Variants in LATS1 observed in about 807,000 individuals in gnomAD.
LATS1 encodes serine/threonine-protein kinase LATS1.
Under a neutral mutation model 106.6 loss-of-function variants are expected in LATS1, and 25 were observed. The observed-to-expected ratio is 0.23, with a 90% CI of 0.17 to 0.33. LATS1 has a LOEUF of 0.33. LATS1 is among the 10% of genes least tolerant of loss of function. The pLI is 1.00. For missense variants in LATS1, 1,040 were observed against 1,382.6 expected, an observed-to-expected ratio of 0.75 and a Z score of 3.93; for synonymous variants, 465 against 455.6, an observed-to-expected ratio of 1.02 and a Z score of -0.26.
intron 3 of LATS1, among the ~76,000 whole-genome samples, chr6:149,688,008 A>G (rs564098020): frequency 5.4e-5 from 8 of 149,314 alleles, no homozygotes; most frequent in South Asian, 2.1e-4. Context: ...CTGAGTAGCT[A>G]GGACTACAGG....
rs141884137 is a variant in LATS1 at position 149,695,275 on chromosome 6, A to C, written c.349-54T>G. The C allele has an allele frequency of 9.2e-5, 111 of 1,211,446 alleles. 1 individual carries two copies. In the East Asian group the frequency reaches 2.7e-3, roughly 29 times the overall value. The allele number at this position is 1,211,446 out of a possible 1,614,324, so 75.0% of individuals were successfully genotyped here. On this transcript the variant is annotated intron_variant, in intron 2 of 7. Coordinates refer to ENST00000543571, the MANE Select transcript of LATS1 (RefSeq NM_004690.4). Reference sequence around the variant, plus strand: ...GAAACAAAATTTAAATCTTACAATAATACAAGGGAAAGAACACTATGAGTT... The same window carrying C: ...GAAACAAAATTTAAATCTTACAATACTACAAGGGAAAGAACACTATGAGTT...
intron 5 of LATS1, among the ~76,000 whole-genome samples, chr6:149,679,409 G>C (rs903860837): frequency 6.6e-6 from 1 of 151,710 alleles, no homozygotes; most frequent in Non-Finnish European, 1.5e-5. Flanking sequence ...AAAATTAGCC[G>C]GGCGTACTGG....
chr6:149,698,547 G>A (rs1232630713), intron 2 of LATS1, among the ~76,000 whole-genome samples: 3 of 149,088 alleles, frequency 2.0e-5, no homozygotes, highest in Non-Finnish European at 4.5e-5. Context: ...CACCCAGCCA[G>A]AAGTCTTTTT....
chr6:149,661,846 A>G lies in LATS1; in HGVS notation c.3276T>C (p.Asn1092=). Residue 1092 remains asparagine (N), a synonymous_variant, in exon 8 of 8, where the codon AAT becomes AAC. Coordinates refer to ENST00000543571, the MANE Select transcript of LATS1 (RefSeq NM_004690.4). ...RFFDDNGYPY[N]YPKPIEYEYI... ...ATTCATATTCAATAGGCTTCGGATAATTATATGGGTAGCCATTGTCATCAA... is the reference window on the plus strand; with the variant it reads ...ATTCATATTCAATAGGCTTCGGATAGTTATATGGGTAGCCATTGTCATCAA... 6.2e-7 allele frequency: 1 copy of G among 1,614,068 alleles called. No homozygotes were observed. Among genetic ancestry groups the G allele is most frequent in the Non-Finnish European group, 8.5e-7 (1 of 1,179,962 alleles).
chr6:149,676,888 T>G (rs915942851), intron 5 of LATS1, 151 bp from the exon 6 acceptor site: 5 of 661,864 alleles, frequency 7.6e-6, no homozygotes, highest in Admixed American at 6.0e-5. Context: ...TGATGGTGTT[T>G]ATTACCAATT....
Position 149,680,268 on chromosome 6 carries a change from T to C in LATS1, c.2200A>G (p.Lys734Glu). ...AGAACATCTTTCTTTCGAAGAGTTT[T>C]TGTTGCATACAAAGCCTTAGTATCT... is the stretch of plus-strand genomic sequence containing the variant. ...KVDTKALYATKTLRKKDVLLR... is the reference protein window; with the variant it reads ...KVDTKALYATETLRKKDVLLR... The change falls in exon 5 of 8, where the codon AAA (lysine) becomes GAA (glutamate). Residue 734 changes from lysine to glutamate, a missense_variant. This residue lies in a region of LATS1 where 167 missense variants were observed against 332.1 expected (regional missense o/e 0.50). Transcript: ENST00000543571. 6.2e-7 allele frequency: 1 copy of C among 1,613,966 alleles called. No homozygotes were observed. Among genetic ancestry groups the C allele is most frequent in the South Asian group, 1.1e-5 (1 of 91,080 alleles).
intron 1 of LATS1, among the ~76,000 whole-genome samples, chr6:149,712,751 T>G (rs1019297832): frequency 1.3e-5 from 2 of 152,140 alleles, no homozygotes; most frequent in Non-Finnish European, 2.9e-5. Context: ...TCCAAAACTT[T>G]TGGAGGCTGA....
At chr6:149,688,947 C>G (rs1782559085) in intron 3 of LATS1, among the ~76,000 whole-genome samples, 1 of 151,972 alleles carries the variant, frequency 6.6e-6, no homozygotes, top group African/African-American at 2.4e-5. Flanking sequence ...GTGGGCGGAT[C>G]ACCTGAGGTC....
intron 6 of LATS1, 26 bp downstream of exon 6, chr6:149,676,529 G>T: frequency 6.2e-7 from 1 of 1,605,350 alleles, no homozygotes; most frequent in Non-Finnish European, 8.5e-7. Flanking sequence ...GGTCTACTGA[G>T]AATATATATG....
At chr6:149,711,560 T>A (rs558447656) in intron 1 of LATS1, among the ~76,000 whole-genome samples, 4 of 151,598 alleles carry the variant, frequency 2.6e-5, no homozygotes, top group Non-Finnish European at 4.4e-5. Context: ...CAAAATGAAA[T>A]TTTTTTTTCT....
chr6:149,662,966 CAAAAA>C (rs61479102), intron 7 of LATS1, among the ~76,000 whole-genome samples: 2 of 96,248 alleles, frequency 2.1e-5, no homozygotes, highest in African/African-American at 7.8e-5. Context: ...ACACTGTCTC[CAAAAA>C]AAAAAAAAAA....
intron 7 of LATS1, among the ~76,000 whole-genome samples, chr6:149,662,860 G>A (rs944683808): frequency 2.0e-5 from 3 of 151,614 alleles, no homozygotes; most frequent in African/African-American, 7.3e-5. Flanking sequence ...TAGCTACTCA[G>A]GAGGTTGAAG....
At chr6:149,689,528 T>C (rs568800321) in intron 3 of LATS1, among the ~76,000 whole-genome samples, 19 of 152,294 alleles carry the variant, frequency 1.2e-4, no homozygotes, top group African/African-American at 4.1e-4. Context: ...TGTTGTTGTT[T>C]TTAACTTAAA....
chr6:149,685,324 T>C (rs1782311984), intron 3 of LATS1, among the ~76,000 whole-genome samples: 1 of 152,248 alleles, frequency 6.6e-6, no homozygotes, highest in East Asian at 1.9e-4. Flanking sequence ...GGTAGCATTA[T>C]TAGGCCAAAG....
At chr6:149,666,555 CGGA>C (rs1265218605) in intron 7 of LATS1, among the ~76,000 whole-genome samples, 1 of 150,964 alleles carries the variant, frequency 6.6e-6, no homozygotes, top group African/African-American at 2.4e-5. Flanking sequence ...GAGGCGGTGG[CGGA>C]GGCTGCAGTG....
At chr6:149,676,169 TC>T (rs1212750538) in intron 7 of LATS1, 90 bp downstream of exon 7, 2 of 885,848 alleles carry the variant, frequency 2.3e-6, no homozygotes, top group Non-Finnish European at 3.7e-6. Context: ...ATTCTTTAAC[TC>T]CAGACTAAAA....
rs114791026 is a variant in LATS1 at position 149,699,483 on chromosome 6, A to T, written c.348+2296T>A. On this transcript the variant is annotated intron_variant, in intron 2 of 7. Transcript: ENST00000543571. ...AAAGTTTACTTTTTAATAAAAAAAA[A>T]AAATAAAATAAATAAATAACACCAT... is the stretch of plus-strand genomic sequence containing the variant. Among the ~76,000 whole-genome samples, 1,004 of 152,186 alleles carry T rather than the reference A, an allele frequency of 6.6e-3. 15 individuals carry two copies. Among genetic ancestry groups the T allele is most frequent in the African/African-American group, 0.022 (932 of 41,552 alleles).
At position 149,705,446 on chromosome 6, in the gene LATS1, G is replaced by C. The variant is rs147013704; in HGVS notation, c.-140-3180C>G. Among the ~76,000 whole-genome samples, 74 of 152,156 alleles carry C rather than the reference G, an allele frequency of 4.9e-4. No individual in the cohort carries two copies. The East Asian group carries it at 0.013, about 27-fold the overall frequency. On this transcript the variant is annotated intron_variant, in intron 1 of 7. Coordinates refer to ENST00000543571, the MANE Select transcript of LATS1 (RefSeq NM_004690.4). ...CACTGTTGTGGAATCTTACATGTCA[G>C]TTCTTTTAGTATCTGGATTGCAATT... is the stretch of plus-strand genomic sequence containing the variant.
At position 149,658,641 on chromosome 6, in the gene LATS1, A is replaced by T. The variant is rs1780785579; in HGVS notation, c.*3088T>A. The stretch of plus-strand genomic sequence containing the variant: ...TCTAATTTCTAACACATTAAGTCAG[A>T]ATAAAACAATTCCACTCACAGTTTT... On this transcript the variant is annotated 3_prime_UTR_variant, in exon 8 of 8. Transcript: ENST00000543571. The T allele has an allele frequency of 6.6e-6, 1 of 152,210 alleles. No individual in the cohort carries two copies. Among genetic ancestry groups the T allele is most frequent in the African/African-American group, 2.4e-5 (1 of 41,468 alleles). The allele number at this position is 152,210 out of a possible 1,614,324, so 9.4% of individuals were successfully genotyped here.
Sources: allele counts gnomAD v4.1 joint callset (sites outside exome capture counted in the v4.1 genomes callset), GRCh38; gene constraint gnomAD v4.1.1; regional missense constraint gnomAD v4.1.1; transcripts MANE v1.5; gene names NCBI Gene and HGNC (gene_info 2026-07-23, HGNC 2026-07-21).